Variants in PPM1E observed in about 807,000 individuals in gnomAD.
PPM1E encodes protein phosphatase, Mg2+/Mn2+ dependent 1E.
Under a neutral mutation model 65.9 loss-of-function variants are expected in PPM1E, and 20 were observed. The ratio of observed to expected loss-of-function variants is 0.30; its 90% CI spans 0.21 to 0.44. The LOEUF is 0.44. PPM1E is among the 20% of genes least tolerant of loss of function. The pLI is 1.00. For synonymous variants in PPM1E, 352 were observed against 374.9 expected, an observed-to-expected ratio of 0.94 and a Z score of 0.70; for missense variants, 713 against 953.1, an observed-to-expected ratio of 0.75 and a Z score of 3.32.
chr17:58,879,550 C>G (rs927795921), intron 1 of PPM1E, among the ~76,000 whole-genome samples: 18 of 138,020 alleles, frequency 1.3e-4, no homozygotes, highest in African/African-American at 4.6e-4. Flanking sequence ...CGCTCTGTCG[C>G]CCAGGCTGGA....
At chr17:58,841,643 A>G (rs937141704) in intron 1 of PPM1E, among the ~76,000 whole-genome samples, 15 of 151,098 alleles carry the variant, frequency 9.9e-5, no homozygotes, top group African/African-American at 3.4e-4. Flanking sequence ...CTCCTGCCTC[A>G]GCCTCCCGAG....
intron 1 of PPM1E, among the ~76,000 whole-genome samples, chr17:58,820,090 C>T (rs532288485): frequency 1.3e-5 from 2 of 152,028 alleles, no homozygotes; most frequent in South Asian, 2.1e-4. Context: ...ATGTCTTAAG[C>T]GAGCCCTCAC....
chr17:58,779,763 G>A (rs1318970975), intron 1 of PPM1E, among the ~76,000 whole-genome samples: 2 of 152,018 alleles, frequency 1.3e-5, no homozygotes, highest in Non-Finnish European at 1.5e-5. Flanking sequence ...TCAGTTTGTT[G>A]TATATTTTTT....
chr17:58,980,830 A>C lies in PPM1E; in HGVS notation c.2067A>C (p.Ser689=). The C allele has an allele frequency of 6.2e-7, 1 of 1,614,088 alleles. No homozygotes were observed. The highest frequency in any genetic ancestry group is 8.5e-7 in the Non-Finnish European group (1 of 1,179,990). ...HRFRFNPKFY[S]FLSAQEPSHK... is the part of the protein sequence containing the mutation. ...TCAGGTTTAATCCAAAGTTTTATTC[A>C]TTTCTCTCTGCTCAAGAGCCTTCCC... Residue 689 remains serine (S), a synonymous_variant, in exon 7 of 7, where the codon TCA becomes TCC. Coordinates refer to ENST00000308249, the MANE Select transcript of PPM1E (RefSeq NM_014906.5). The surrounding 1 kb of genome is among the most constrained non-coding windows in gnomAD (Gnocchi z 4.7).
chr17:58,820,930 C>A (rs1413730361), intron 1 of PPM1E, among the ~76,000 whole-genome samples: 1 of 151,978 alleles, frequency 6.6e-6, no homozygotes. Flanking sequence ...ATACCAAATT[C>A]TGTTATAATA....
intron 1 of PPM1E, among the ~76,000 whole-genome samples, chr17:58,868,773 C>T (rs1326970621): frequency 5.9e-5 from 9 of 151,974 alleles, no homozygotes; most frequent in African/African-American, 1.2e-4. Flanking sequence ...GGTATGGGTA[C>T]GTTCAGCAAA....
intron 3 of PPM1E, chr17:58,966,352 TAAA>T (rs763553438): frequency 4.6e-5 from 11 of 239,422 alleles, no homozygotes; most frequent in Non-Finnish European, 4.6e-5. Flanking sequence ...GACTGTCTCT[TAAA>T]AAAAAAAAAG....
chr17:58,807,079 C>T (rs1405021258), intron 1 of PPM1E, among the ~76,000 whole-genome samples: 1 of 152,072 alleles, frequency 6.6e-6, no homozygotes, highest in Non-Finnish European at 1.5e-5. Flanking sequence ...TCAAATCTTA[C>T]AGTGAATGCT....
chr17:58,976,591 G>C (rs989853449), intron 6 of PPM1E, among the ~76,000 whole-genome samples: 2 of 152,194 alleles, frequency 1.3e-5, no homozygotes, highest in African/African-American at 4.8e-5. Flanking sequence ...AAAGTTGACA[G>C]AGGCATGATA....
intron 1 of PPM1E, among the ~76,000 whole-genome samples, chr17:58,814,441 A>G (rs541714188): frequency 1.1e-3 from 169 of 152,326 alleles, no homozygotes; most frequent in African/African-American, 3.9e-3. Flanking sequence ...CTACCCCAAT[A>G]TATACATGGT....
intron 1 of PPM1E, among the ~76,000 whole-genome samples, chr17:58,818,741 C>T (rs896601658): frequency 2.6e-5 from 4 of 152,190 alleles, no homozygotes; most frequent in Non-Finnish European, 5.9e-5. Context: ...TGCTTCTCTA[C>T]CTCCTTGAAA....
intron 1 of PPM1E, among the ~76,000 whole-genome samples, chr17:58,772,240 A>G (rs2049946295): frequency 6.6e-6 from 1 of 152,072 alleles, no homozygotes; most frequent in Non-Finnish European, 1.5e-5. Flanking sequence ...AGGGGATCAC[A>G]AGGTCAAGAG....
chr17:58,813,178 CT>C (rs1262298977), intron 1 of PPM1E, among the ~76,000 whole-genome samples: 1 of 152,168 alleles, frequency 6.6e-6, no homozygotes, highest in Non-Finnish European at 1.5e-5. Context: ...CAGGCACTGT[CT>C]TCTACTTTTA....
intron 1 of PPM1E, among the ~76,000 whole-genome samples, chr17:58,817,709 C>G (rs915255861): frequency 4.0e-5 from 6 of 151,848 alleles, no homozygotes; most frequent in Non-Finnish European, 1.5e-5. Flanking sequence ...CTAGATTTTC[C>G]TTATGTCCTA....
rs372914883 is a variant in PPM1E at position 58,852,211 on chromosome 17, C to T, written c.464+95750C>T. 1.1e-4 allele frequency among the ~76,000 whole-genome samples: 17 copies of T among 152,208 alleles called. No individual in the cohort carries two copies. The East Asian group carries it at 2.3e-3, about 21-fold the overall frequency. On this transcript the variant is annotated intron_variant, in intron 1 of 6. Coordinates refer to ENST00000308249, the MANE Select transcript of PPM1E (RefSeq NM_014906.5). ...CCCTTTGCTAGGAAAGGGAATTCCTCGACCCCTTGCGCTTCCCGGGTGAAG... is the reference window on the plus strand; with the variant it reads ...CCCTTTGCTAGGAAAGGGAATTCCTTGACCCCTTGCGCTTCCCGGGTGAAG...
intron 1 of PPM1E, among the ~76,000 whole-genome samples, chr17:58,851,418 A>C (rs564545671): frequency 1.3e-5 from 2 of 151,976 alleles, no homozygotes; most frequent in Middle Eastern, 3.4e-3. Context: ...GGTTTTTTCT[A>C]CCTTTGGTCT....
chr17:58,893,491 G>A (rs1217375046), intron 1 of PPM1E, among the ~76,000 whole-genome samples: 1 of 152,120 alleles, frequency 6.6e-6, no homozygotes, highest in Non-Finnish European at 1.5e-5. Flanking sequence ...GATTTTTAGG[G>A]CATTGAAGCT....
chr17:58,952,511 A>G (rs1195585635), intron 1 of PPM1E, among the ~76,000 whole-genome samples: 1 of 152,068 alleles, frequency 6.6e-6, no homozygotes, highest in Non-Finnish European at 1.5e-5. Context: ...GAGGCTGTTT[A>G]TCAGGCCACA....
chr17:58,886,537 C>T (rs1023688485), intron 1 of PPM1E, among the ~76,000 whole-genome samples: 3 of 152,226 alleles, frequency 2.0e-5, no homozygotes, highest in African/African-American at 7.2e-5. Flanking sequence ...CTTTCCCCAT[C>T]TCTGCTAGAA....
Sources: allele counts gnomAD v4.1 joint callset (sites outside exome capture counted in the v4.1 genomes callset), GRCh38; gene constraint gnomAD v4.1.1; non-coding constraint Gnocchi (gnomAD v3.1); transcripts MANE v1.5; gene names NCBI Gene and HGNC (gene_info 2026-07-23, HGNC 2026-07-21).